The following GRINA variants were observed in gnomAD, a reference collection of about 807,000 sequenced individuals.
GRINA encodes protein lifeguard 1.
In GRINA, 26 loss-of-function variants were observed where a neutral mutation model predicts 42.5. The ratio of observed to expected loss-of-function variants is 0.61; its 90% CI spans 0.45 to 0.85. The LOEUF is 0.85. Among genes scored for constraint, GRINA ranks in the 40% least tolerant of loss-of-function variants. GRINA has a pLI of 0.00. For synonymous variants in GRINA, 256 were observed against 204.2 expected, an observed-to-expected ratio of 1.25 and a Z score of -2.17; for missense variants, 475 against 481.5, an observed-to-expected ratio of 0.99 and a Z score of 0.13.
At chr8:143,992,416 G>A in intron 5 of GRINA, 43 bp downstream of exon 5, 1 of 1,612,946 alleles carries the variant, frequency 6.2e-7, no homozygotes, top group Non-Finnish European at 8.5e-7. Context: ...CAGGGGCTGA[G>A]CAGCTTTCCC....
chr8:143,992,569 G>T lies in GRINA; in HGVS notation c.927G>T (p.Glu309Asp). Residue 309 changes from glutamate to aspartate, a missense_variant, in exon 6 of 7, where the codon GAG (glutamate) becomes GAT (aspartate). Physicochemically the swap from Glu to Asp is conservative, Grantham distance 45 (BLOSUM62 2). Transcript: ENST00000395068. ...TCTTCATCCGGAACCGCATCCTGGA[G>T]ATCGTGTACGCCTCACTGGGCGCTC... ...LCIFIRNRIL[E>D]IVYASLGALL... The T allele has an allele frequency of 6.2e-7, 1 of 1,614,194 alleles. No individual in the cohort carries two copies. The highest frequency in any genetic ancestry group is 8.5e-7 in the Non-Finnish European group (1 of 1,180,032).
In GRINA at chr8:143,991,987, A is replaced by G. The variant is rs1554750591; in HGVS notation, c.602A>G (p.Tyr201Cys). ...GFVRENVWTY[Y>C]VSYAVFFISL... ...GTCCGGGAGAATGTCTGGACCTACT[A>G]TGTCTCCTATGCTGTCTTCTTCATC... The change falls in exon 4 of 7, where the codon TAT becomes TGT. Residue 201 changes from tyrosine to cysteine, a missense_variant. By Grantham distance (194) the Tyr-to-Cys change is radical. Around this residue, in one of 2 missense-constraint regions of GRINA, gnomAD observed 321 missense variants for 267.2 expected, o/e 1.20. Transcript: ENST00000395068. 5.6e-6 allele frequency: 9 copies of G among 1,613,494 alleles called. No individual in the cohort carries two copies. The highest frequency in any genetic ancestry group is 1.3e-5 in the African/African-American group (1 of 74,944).
Position 143,993,006 on chromosome 8 carries a change from C to T in GRINA, c.*165C>T, listed in dbSNP as rs199507475. On this transcript the variant is annotated 3_prime_UTR_variant, in exon 7 of 7. Coordinates refer to ENST00000395068, the MANE Select transcript of GRINA (RefSeq NM_001009184.2). ...CCTGTATGTACACTGCAGATACTTC[C>T]ATTTGGACCCGCTGTGGCCACAGCA... 1 of 626,804 alleles carries T rather than the reference C, an allele frequency of 1.6e-6. No individual in the cohort carries two copies. Among genetic ancestry groups the T allele is most frequent in the African/African-American group, 1.8e-5 (1 of 54,516 alleles). The allele number at this position is 626,804 out of a possible 1,614,324, so 38.8% of individuals were successfully genotyped here.
Position 143,991,513 on chromosome 8 carries a change from G to A in GRINA, c.290G>A (p.Gly97Glu), listed in dbSNP as rs782426419. ...EGYPQGPYPQ[G>E]GYPQGPYPQS... Reference sequence around the variant, plus strand: ...TACCCACAGGGCCCCTACCCCCAAGGGGGCTACCCCCAGGGGCCATATCCC... The same window carrying A: ...TACCCACAGGGCCCCTACCCCCAAGAGGGCTACCCCCAGGGGCCATATCCC... The change falls in exon 2 of 7, where the codon GGG becomes GAG. Residue 97 changes from glycine to glutamate, a missense_variant. Gly to Glu is a moderately conservative substitution (Grantham distance 98). Coordinates refer to ENST00000395068, the MANE Select transcript of GRINA (RefSeq NM_001009184.2). 3 of 1,545,042 alleles carry A rather than the reference G, an allele frequency of 1.9e-6. No individual in the cohort carries two copies. The South Asian group carries it at 3.6e-5, about 18-fold the overall frequency.
chr8:143,991,861 A>C lies in GRINA; in HGVS notation c.493-17A>C. 1 of 1,610,564 alleles carries C rather than the reference A, an allele frequency of 6.2e-7. No homozygotes were observed. Among genetic ancestry groups the C allele is most frequent in the Non-Finnish European group, 8.5e-7 (1 of 1,177,620 alleles). On this transcript the variant is annotated splice_polypyrimidine_tract_variant and intron_variant, in intron 3 of 6. Coordinates refer to ENST00000395068, the MANE Select transcript of GRINA (RefSeq NM_001009184.2). Reference sequence around the variant, plus strand: ...CTGTGGCTCCCAGCGGATGACTCTGAGCGGCTCCTTCCCCAGGTGTTCCTA... The same window carrying C: ...CTGTGGCTCCCAGCGGATGACTCTGCGCGGCTCCTTCCCCAGGTGTTCCTA...
At position 143,992,546 on chromosome 8, in the gene GRINA, T is replaced by C. The variant is rs782793258; in HGVS notation, c.904T>C (p.Phe302Leu). Residue 302 changes from phenylalanine to leucine, a missense_variant, in exon 6 of 7, where the codon TTC becomes CTC. By Grantham distance (22) the Phe-to-Leu change is conservative. This residue lies in a region of GRINA where 154 missense variants were observed against 214.2 expected (regional missense o/e 0.72). Transcript: ENST00000395068. ...VLFIFAILCI[F>L]IRNRILEIVY... ...CTTCATCTTCGCCATTCTCTGCATCTTCATCCGGAACCGCATCCTGGAGAT... is the reference window on the plus strand; with the variant it reads ...CTTCATCTTCGCCATTCTCTGCATCCTCATCCGGAACCGCATCCTGGAGAT... The C allele has an allele frequency of 1.9e-6, 3 of 1,614,172 alleles. No homozygotes were observed.
At chr8:143,991,092 TC>T in intron 1 of GRINA, 107 bp from the exon 2 acceptor site, 1 of 624,252 alleles carries the variant, frequency 1.6e-6, no homozygotes, top group Non-Finnish European at 2.8e-6. Flanking sequence ...GTCACGGTCT[TC>T]CCTTGCTTCC....
In GRINA at chr8:143,992,669, C is replaced by T. The variant is rs782692075; in HGVS notation, c.967-23C>T. 13 of 1,613,754 alleles carry T rather than the reference C, an allele frequency of 8.1e-6. No homozygotes were observed. The Admixed American group carries it at 1.0e-4, about 12-fold the overall frequency. Reference sequence around the variant, plus strand: ...CTGGGCAGGCAGGCTTGTCCCTCAACACCACTGTGCTGTCACCTCCAGTTC... The same window carrying T: ...CTGGGCAGGCAGGCTTGTCCCTCAATACCACTGTGCTGTCACCTCCAGTTC... On this transcript the variant is annotated intron_variant, in intron 6 of 6. Coordinates refer to ENST00000395068, the MANE Select transcript of GRINA (RefSeq NM_001009184.2).
chr8:143,991,664 G>A (rs1834099908), intron 2 of GRINA, 28 bp from the exon 3 acceptor site: 2 of 1,595,596 alleles, frequency 1.3e-6, no homozygotes, highest in African/African-American at 2.7e-5. Flanking sequence ...CTTGTGAGTG[G>A]CGCTGACCCA....
chr8:143,991,184 T>C lies in GRINA; in HGVS notation c.-24-16T>C, dbSNP rs1423947747. The C allele has an allele frequency of 1.3e-6, 2 of 1,483,458 alleles. No homozygotes were observed. Among genetic ancestry groups the C allele is most frequent in the Non-Finnish European group, 9.1e-7 (1 of 1,104,768 alleles). 91.9% of individuals were successfully genotyped at this position (1,483,458 alleles called of 1,614,324 possible). ...TCAAGCCAACTGTTCCACTGTTCCT[T>C]GTCTGTCTTCTCTAGGGGCGGACCG... On this transcript the variant is annotated splice_polypyrimidine_tract_variant and intron_variant, in intron 1 of 6. Transcript: ENST00000395068.
In GRINA at chr8:143,992,530, C is replaced by T. The variant is rs575948047; in HGVS notation, c.888C>T (p.Phe296=). Residue 296 remains phenylalanine, a synonymous_variant, in exon 6 of 7, where the codon TTC becomes TTT. Coordinates refer to ENST00000395068, the MANE Select transcript of GRINA (RefSeq NM_001009184.2). ...LLVSMVVLFI[F]AILCIFIRNR... Reference sequence around the variant, plus strand: ...TGAGCATGGTGGTGCTCTTCATCTTCGCCATTCTCTGCATCTTCATCCGGA... The same window carrying T: ...TGAGCATGGTGGTGCTCTTCATCTTTGCCATTCTCTGCATCTTCATCCGGA... 124 of 1,614,152 alleles carry T rather than the reference C, an allele frequency of 7.7e-5. No homozygotes were observed. The highest frequency in any genetic ancestry group is 1.6e-4 in the Middle Eastern group (1 of 6,062).
chr8:143,992,722 G>A lies in GRINA; in HGVS notation c.997G>A (p.Gly333Arg), dbSNP rs1834121774. 3 of 1,613,942 alleles carry A rather than the reference G, an allele frequency of 1.9e-6. No individual in the cohort carries two copies. In the South Asian group the frequency reaches 3.3e-5, roughly 18 times the overall value. Reference protein sequence around the residue: ...FLAVDTQLLLGNKQLSLSPEE... With the variant: ...FLAVDTQLLLRNKQLSLSPEE... ...CGCAGTGGACACCCAGCTGCTACTG[G>A]GGAACAAGCAGCTGTCCCTGAGCCC... The change falls in exon 7 of 7, where the codon GGG becomes AGG. Residue 333 changes from glycine to arginine, a missense_variant. Around this residue, in one of 2 missense-constraint regions of GRINA, gnomAD observed 154 missense variants for 214.2 expected, o/e 0.72. Transcript: ENST00000395068.
chr8:143,992,380 G>T lies in GRINA; in HGVS notation c.822+7G>T, dbSNP rs1554750692. The T allele has an allele frequency of 1.2e-6, 2 of 1,606,682 alleles. No individual in the cohort carries two copies. Among genetic ancestry groups the T allele is most frequent in the Non-Finnish European group, 1.7e-6 (2 of 1,174,738 alleles). The stretch of plus-strand genomic sequence containing the variant: ...CGTCATCTTCTCCATGCAGGTGAGG[G>T]GCCTCCCGTGGCTGGGCTGTGGCCG... On this transcript the variant is annotated splice_region_variant and intron_variant, in intron 5 of 6. Coordinates refer to ENST00000395068, the MANE Select transcript of GRINA (RefSeq NM_001009184.2).
chr8:143,992,637 C>T (rs927161722), intron 6 of GRINA, 29 bp downstream of exon 6: 15 of 1,613,822 alleles, frequency 9.3e-6, no homozygotes, highest in Middle Eastern at 1.6e-4. Context: ...TGGCCGGGGG[C>T]GGGATGCTGG....
Position 143,992,977 on chromosome 8 carries a change from C to T in GRINA, c.*136C>T, listed in dbSNP as rs1834126528. The T allele has an allele frequency of 4.2e-6, 3 of 716,566 alleles. No individual in the cohort carries two copies. The highest frequency in any genetic ancestry group is 1.8e-5 in the South Asian group (1 of 55,608). 44.4% of individuals were successfully genotyped at this position (716,566 alleles called of 1,614,324 possible). On this transcript the variant is annotated 3_prime_UTR_variant, in exon 7 of 7. Coordinates refer to ENST00000395068, the MANE Select transcript of GRINA (RefSeq NM_001009184.2). ...TAGGGAAAAGGATGCCTCTCTCCAA[C>T]CCTCCTGTATGTACACTGCAGATAC... is the stretch of plus-strand genomic sequence containing the variant.
In GRINA at chr8:143,991,625, TG is replaced by T. The variant is rs1834098948; in HGVS notation, c.379+27del. ...ACTGTGAGTCTCAGGAAGGGAGGGG[TG>T]GGGTGGCCGGGAGGGCAGGGGGAGG... On this transcript the variant is annotated intron_variant, in intron 2 of 6. Transcript: ENST00000395068. The T allele has an allele frequency of 3.2e-6, 5 of 1,585,122 alleles. No homozygotes were observed. The East Asian group carries it at 6.7e-5, about 21-fold the overall frequency.
rs1554750381 is a variant in GRINA, at chr8:143,991,272, C to A, written c.49C>A (p.Pro17Thr). The A allele has an allele frequency of 6.5e-7, 1 of 1,548,632 alleles. No individual in the cohort carries two copies. Among genetic ancestry groups the A allele is most frequent in the Non-Finnish European group, 8.8e-7 (1 of 1,138,450 alleles). Residue 17 changes from proline (P) to threonine (T), a missense_variant, in exon 2 of 7, where the codon CCC (proline) becomes ACC (threonine). Coordinates refer to ENST00000395068, the MANE Select transcript of GRINA (RefSeq NM_001009184.2). ...GGTGTCTGGGGACAACTATCCTCCC[C>A]CCAACCCTGGATATCCGGGGGGGCC... ...FLVSGDNYPP[P>T]NPGYPGGPQP...
intron 1 of GRINA, 95 bp from the exon 2 acceptor site, chr8:143,991,105 C>T (rs940870828): frequency 1.5e-6 from 1 of 664,850 alleles, no homozygotes; most frequent in Admixed American, 2.8e-5. Flanking sequence ...CTTGCTTCCC[C>T]CTGGGTTCCC....
At position 143,991,534 on chromosome 8, in the gene GRINA, A is replaced by G. The variant is rs1834096377; in HGVS notation, c.311A>G (p.Tyr104Cys). 6.6e-7 allele frequency: 1 copy of G among 1,522,746 alleles called. No homozygotes were observed. Among genetic ancestry groups the G allele is most frequent in the Admixed American group, 1.9e-5 (1 of 52,536 alleles). 94.3% of individuals were successfully genotyped at this position (1,522,746 alleles called of 1,614,324 possible). The change falls in exon 2 of 7, where the codon TAT (tyrosine) becomes TGT (cysteine). Residue 104 changes from tyrosine to cysteine, a missense_variant. Coordinates refer to ENST00000395068, the MANE Select transcript of GRINA (RefSeq NM_001009184.2). ...CAAGGGGGCTACCCCCAGGGGCCAT[A>G]TCCCCAGAGCCCCTTCCCCCCCAAC... ...YPQGGYPQGP[Y>C]PQSPFPPNPY...
Sources: allele counts gnomAD v4.1 joint callset, GRCh38; gene constraint gnomAD v4.1.1; regional missense constraint gnomAD v4.1.1; transcripts MANE v1.5; gene names NCBI Gene and HGNC (gene_info 2026-07-23, HGNC 2026-07-21).